TMEM132E: variants seen among roughly 807,000 people sequenced by gnomAD.
The protein encoded by TMEM132E is transmembrane protein 132E.
TMEM132E carries 49 observed loss-of-function variants against 78.5 expected under a neutral mutation model. The observed-to-expected ratio is 0.62, with a 90% CI of 0.50 to 0.79. The LOEUF (loss-of-function observed/expected upper bound fraction) is 0.79. TMEM132E is among the 30% of genes least tolerant of loss of function. The probability of loss-of-function intolerance (pLI) is 0.00; values close to 1 mark genes in which losing one functional copy is unlikely to be tolerated. For missense variants in TMEM132E, 1,403 were observed against 1,470.9 expected (o/e 0.95, Z 0.75); for synonymous variants, 715 against 670.6 (o/e 1.07, Z -1.02).
chr17:34,612,879 G>A (rs1002033881), intron 1 of TMEM132E, among the ~76,000 whole-genome samples: 1 of 152,078 alleles, frequency 6.6e-6, no homozygotes, highest in African/African-American at 2.4e-5. Flanking sequence ...GGGGCAGTGG[G>A]GTGGGAAAGA....
At chr17:34,612,684 C>T (rs1906630965) in intron 1 of TMEM132E, among the ~76,000 whole-genome samples, 2 of 152,204 alleles carry the variant, frequency 1.3e-5, no homozygotes, top group South Asian at 2.1e-4. Context: ...CCAAGCCCAC[C>T]TCCAGCTCAG....
intron 1 of TMEM132E, among the ~76,000 whole-genome samples, chr17:34,594,601 GT>G (rs562695940): frequency 7.7e-4 from 117 of 152,242 alleles, no homozygotes; most frequent in African/African-American, 2.6e-3. Context: ...TTCAGCACAT[GT>G]TTTTTTGTTT....
rs766741472 is a variant in TMEM132E at position 34,637,557 on chromosome 17, C to G, written c.2550C>G (p.Pro850=). 1.1e-5 allele frequency: 17 copies of G among 1,599,184 alleles called. No homozygotes were observed. The highest frequency in any genetic ancestry group is 1.4e-5 in the Non-Finnish European group (17 of 1,175,246). The change falls in exon 9 of 9, where the codon CCC becomes CCG. Residue 850 remains proline (P), a synonymous_variant. Transcript: ENST00000631683. ...CTGGCCCGCCGGGCTCTGCGCTACC[C>G]GCACCGGAGGCTCCAGGCCCGGGCA... ...RGAGPPGSAL[P]APEAPGPGTA...
In TMEM132E at chr17:34,579,627, G is replaced by T; in HGVS notation, c.-1450G>T. On this transcript the variant is annotated 5_prime_UTR_variant, in exon 1 of 9. Transcript: ENST00000631683. ...CCGGCGCGAGCGCCGAGGAGGCGGC[G>T]ACGGCGGCGGCGGCTGCTTCGTGCA... 1 of 160,904 alleles carries T rather than the reference G, an allele frequency of 6.2e-6. No homozygotes were observed. The highest frequency in any genetic ancestry group is 1.8e-4 in the South Asian group (1 of 5,628). 10.0% of individuals were successfully genotyped at this position (160,904 alleles called of 1,614,324 possible). A position where few individuals can be genotyped will look rare whatever the true frequency, so the allele number is the denominator to read the frequency against.
At position 34,626,934 on chromosome 17, in the gene TMEM132E, G is replaced by T; in HGVS notation, c.875G>T (p.Ser292Ile). ...RRTLQEHRLD[S>I]NLMIRLPDRP... The stretch of plus-strand genomic sequence containing the variant: ...ACCCTGCAGGAGCACAGGCTGGACA[G>T]CAACCTGATGATCCGCCTGCCAGAC... Residue 292 changes from serine to isoleucine, a missense_variant, in exon 2 of 9, where the codon AGC becomes ATC. Ser to Ile is a moderately radical substitution (Grantham distance 142, BLOSUM62 -2). Around this residue, in one of 3 missense-constraint regions of TMEM132E, gnomAD observed 511 missense variants for 499.0 expected, o/e 1.02. Transcript: ENST00000631683. 6.2e-7 allele frequency: 1 copy of T among 1,613,784 alleles called. No homozygotes were observed. Among genetic ancestry groups the T allele is most frequent in the Non-Finnish European group, 8.5e-7 (1 of 1,180,018 alleles).
At chr17:34,615,329 C>G (rs183643971) in intron 1 of TMEM132E, among the ~76,000 whole-genome samples, 164 of 152,232 alleles carry the variant, frequency 1.1e-3, no homozygotes, top group African/African-American at 3.7e-3. Context: ...TTAGTACCCC[C>G]CTCCCCGATT....
chr17:34,617,327 G>A (rs148798388), intron 1 of TMEM132E, among the ~76,000 whole-genome samples: 350 of 152,338 alleles, frequency 2.3e-3, no homozygotes, highest in Middle Eastern at 6.8e-3. Context: ...CAGCCTCGGT[G>A]CCTCTTTGGA....
intron 5 of TMEM132E, 133 bp from the exon 6 acceptor site, chr17:34,632,571 C>A: frequency 1.2e-6 from 1 of 835,288 alleles, no homozygotes; most frequent in Non-Finnish European, 2.0e-6. Context: ...TCAGTGCTTC[C>A]TTCCACTGGC....
chr17:34,593,143 A>G (rs972124051), intron 1 of TMEM132E, among the ~76,000 whole-genome samples: 2 of 152,160 alleles, frequency 1.3e-5, no homozygotes, highest in African/African-American at 4.8e-5. Context: ...CTGGTGGCTC[A>G]TATCTGTAAT....
chr17:34,624,945 C>T (rs972978336), intron 1 of TMEM132E, among the ~76,000 whole-genome samples: 3 of 152,174 alleles, frequency 2.0e-5, no homozygotes, highest in Non-Finnish European at 4.4e-5. Context: ...AGGAATGTGA[C>T]TCGGGAGGTT....
In TMEM132E at chr17:34,626,902, C is replaced by G; in HGVS notation, c.843C>G (p.Pro281=). 1 of 1,613,318 alleles carries G rather than the reference C, an allele frequency of 6.2e-7. No individual in the cohort carries two copies. The highest frequency in any genetic ancestry group is 8.5e-7 in the Non-Finnish European group (1 of 1,179,942). The change falls in exon 2 of 9, where the codon CCC becomes CCG. Residue 281 remains proline (P), a synonymous_variant. Coordinates refer to ENST00000631683, the MANE Select transcript of TMEM132E (RefSeq NM_001304438.2). The part of the protein sequence containing the change: ...IGSISLFRPP[P]RRTLQEHRLD... ...GCATCAGCCTGTTCCGCCCGCCCCC[C>G]AGGAGGACCCTGCAGGAGCACAGGC...
intron 6 of TMEM132E, among the ~76,000 whole-genome samples, chr17:34,634,565 A>G (rs953741348): frequency 1.3e-5 from 2 of 152,254 alleles, no homozygotes; most frequent in African/African-American, 4.8e-5. Flanking sequence ...GCTTAAGCCA[A>G]GAAGAGGCAG....
rs758035024 is a variant in TMEM132E at position 34,638,243 on chromosome 17, C to A, written c.*11C>A. 1.3e-6 allele frequency: 2 copies of A among 1,519,414 alleles called. No individual in the cohort carries two copies. The highest frequency in any genetic ancestry group is 1.8e-6 in the Non-Finnish European group (2 of 1,134,970). 94.1% of individuals were successfully genotyped at this position (1,519,414 alleles called of 1,614,324 possible). On this transcript the variant is annotated 3_prime_UTR_variant, in exon 9 of 9. Transcript: ENST00000631683. The stretch of plus-strand genomic sequence containing the variant: ...AAAGAGATTGCATAGAGGCGCCAGC[C>A]GGAGTAGCAGGGACCCCCCCCCCCA...
At chr17:34,629,978 A>C in intron 4 of TMEM132E, 30 bp from the exon 5 acceptor site, 1 of 1,580,990 alleles carries the variant, frequency 6.3e-7, no homozygotes, top group Non-Finnish European at 8.6e-7. Flanking sequence ...GGGGACCACA[A>C]GTAGAGCCCC....
At chr17:34,598,770 T>G (rs917126423) in intron 1 of TMEM132E, among the ~76,000 whole-genome samples, 1 of 152,214 alleles carries the variant, frequency 6.6e-6, no homozygotes, top group Non-Finnish European at 1.5e-5. Context: ...CTTGGGGATG[T>G]GAGCCTGCTC....
At position 34,580,912 on chromosome 17, in the gene TMEM132E, C is replaced by T. The variant is rs1190332899; in HGVS notation, c.-165C>T. Reference sequence around the variant, plus strand: ...GTGTAGCCGCCAGCGCCTGGGACGCCCCCTCCCCGCAAAGTGTCCCCGAAT... The same window carrying T: ...GTGTAGCCGCCAGCGCCTGGGACGCTCCCTCCCCGCAAAGTGTCCCCGAAT... On this transcript the variant is annotated 5_prime_UTR_variant, in exon 1 of 9. Coordinates refer to ENST00000631683, the MANE Select transcript of TMEM132E (RefSeq NM_001304438.2). 6 of 486,072 alleles carry T rather than the reference C, an allele frequency of 1.2e-5. No individual in the cohort carries two copies. Among genetic ancestry groups the T allele is most frequent in the Non-Finnish European group, 2.2e-5 (6 of 278,260 alleles). 30.1% of individuals were successfully genotyped at this position (486,072 alleles called of 1,614,324 possible).
rs905699334 is a variant in TMEM132E, at chr17:34,626,683, A to G, written c.624A>G (p.Pro208=). ...TCGGGCCCCCAGCCCCCGCTGCGCC[A>G]CCCACGGCCCGCCGCAAGTCCCCGG... The part of the protein sequence containing the change: ...AWFGPPAPAA[P]PTARRKSPDG... Residue 208 remains proline, a synonymous_variant, in exon 2 of 9, where the codon CCA becomes CCG. Coordinates refer to ENST00000631683, the MANE Select transcript of TMEM132E (RefSeq NM_001304438.2). 2.1e-6 allele frequency: 3 copies of G among 1,398,676 alleles called. No individual in the cohort carries two copies. The South Asian group carries it at 4.5e-5, about 21-fold the overall frequency. The allele number at this position is 1,398,676 out of a possible 1,614,324, so 86.6% of individuals were successfully genotyped here.
intron 1 of TMEM132E, chr17:34,614,732 C>T (rs985483359): frequency 6.6e-6 from 1 of 152,462 alleles, no homozygotes; most frequent in African/African-American, 2.4e-5. Flanking sequence ...AACTCCAAGC[C>T]CCTCTTGCCT....
In TMEM132E at chr17:34,634,784, A is replaced by G. The variant is rs889563582; in HGVS notation, c.1689-15A>G. On this transcript the variant is annotated splice_polypyrimidine_tract_variant and intron_variant, in intron 6 of 8. Coordinates refer to ENST00000631683, the MANE Select transcript of TMEM132E (RefSeq NM_001304438.2). ...CCAGGTGAGAAGCCTTCAGCATGGC[A>G]TGTCCCCACCCCAGGTCAGTCCGGG... is the stretch of plus-strand genomic sequence containing the variant. The G allele has an allele frequency of 6.2e-7, 1 of 1,604,906 alleles. No individual in the cohort carries two copies. Among genetic ancestry groups the G allele is most frequent in the Non-Finnish European group, 8.5e-7 (1 of 1,175,278 alleles).
Sources: gnomAD v4.1 joint callset for allele counts (sites outside exome capture counted in the v4.1 genomes callset) on GRCh38, gnomAD v4.1.1 for gene constraint, gnomAD v4.1.1 regional missense constraint, MANE v1.5 for transcripts, NCBI Gene and HGNC (gene_info 2026-07-23, HGNC 2026-07-21) for gene names.